Variants in LNX1 observed in about 807,000 individuals in gnomAD.
LNX1 encodes the protein E3 ubiquitin-protein ligase LNX.
LNX1 carries 54 observed loss-of-function variants against 68.4 expected under a neutral mutation model. The ratio of observed to expected loss-of-function variants is 0.79; its 90% CI spans 0.63 to 0.99. The LOEUF (loss-of-function observed/expected upper bound fraction) is 0.99, where lower values mean the gene tolerates loss of function less well. LNX1 is among the 50% of genes least tolerant of loss of function. The probability of loss-of-function intolerance (pLI) is 0.00; values close to 1 mark genes in which losing one functional copy is unlikely to be tolerated. For missense variants in LNX1, 906 were observed against 926.4 expected (o/e 0.98, Z 0.29); for synonymous variants, 336 against 350.0 (o/e 0.96, Z 0.45).
chr4:53,646,784 T>C (rs1324044353), intron 1 of LNX1, among the ~76,000 whole-genome samples: 2 of 152,222 alleles, frequency 1.3e-5, no homozygotes, highest in Non-Finnish European at 2.9e-5. Flanking sequence ...TAGAATAAAG[T>C]GGTATATAAA....
chr4:53,632,452 A>C (rs1258535306), intron 1 of LNX1, among the ~76,000 whole-genome samples: 1 of 151,590 alleles, frequency 6.6e-6, no homozygotes, highest in Non-Finnish European at 1.5e-5. Context: ...TACCCCCTAC[A>C]CTCTTGCTTC....
At chr4:53,575,066 C>T (rs189327421) in intron 1 of LNX1, among the ~76,000 whole-genome samples, 20 of 152,212 alleles carry the variant, frequency 1.3e-4, no homozygotes, top group African/African-American at 4.3e-4. Flanking sequence ...ACTACAACTG[C>T]CACCTCCCAG....
At chr4:53,553,135 A>G (rs1361085283) in intron 2 of LNX1, among the ~76,000 whole-genome samples, 2 of 152,180 alleles carry the variant, frequency 1.3e-5, no homozygotes, top group Admixed American at 1.3e-4. Flanking sequence ...GAACATTACT[A>G]CAACCCGAGA....
chr4:53,603,008 C>T (rs1453559747), intron 2 of LNX1: 1 of 152,188 alleles, frequency 6.6e-6, no homozygotes, highest in African/African-American at 2.4e-5. Context: ...CATCTTATGA[C>T]CTTTCTGGGC....
intron 2 of LNX1, among the ~76,000 whole-genome samples, chr4:53,523,890 T>C (rs1046826141): frequency 3.9e-5 from 6 of 152,236 alleles, no homozygotes; most frequent in Admixed American, 6.5e-5. Context: ...ATAGAGGATT[T>C]GGTTATTTAT....
At chr4:53,504,684 T>A (rs1225605573) in intron 4 of LNX1, among the ~76,000 whole-genome samples, 6 of 152,228 alleles carry the variant, frequency 3.9e-5, no homozygotes, top group Non-Finnish European at 7.3e-5. Context: ...GTTTTTGATT[T>A]AAAGTGAGAG....
At position 53,461,569 on chromosome 4, in the gene LNX1, A is replaced by G; in HGVS notation, c.1917T>C (p.Ile639=). ...LPRCLYNCKD[I]VLRRNTAGSL... is the part of the protein sequence containing the mutation. ...TTCCAGCTGTGTTTCTTCGTAATACAATATCTTTACAGTTATACAAGCACC... is the reference window on the plus strand; with the variant it reads ...TTCCAGCTGTGTTTCTTCGTAATACGATATCTTTACAGTTATACAAGCACC... The change falls in exon 10 of 11, where the codon ATT becomes ATC. Residue 639 remains isoleucine (I), a synonymous_variant. Coordinates refer to ENST00000263925, the MANE Select transcript of LNX1 (RefSeq NM_001126328.3). 6.2e-7 allele frequency: 1 copy of G among 1,612,070 alleles called. No homozygotes were observed.
At chr4:53,583,552 G>GA (rs35922375) in intron 1 of LNX1, among the ~76,000 whole-genome samples, 40,487 of 149,078 alleles carry the variant, frequency 0.27, 5,425 homozygotes, top group Admixed American at 0.33. Context: ...CAAAAATACA[G>GA]AAAAAAAAAA....
rs919808823 is a variant in LNX1, at chr4:53,460,836, A to AGAT, written c.*68_*70dup. 35 of 1,331,966 alleles carry AGAT rather than the reference A, an allele frequency of 2.6e-5. No homozygotes were observed. The Middle Eastern group carries it at 5.5e-4, about 21-fold the overall frequency. The allele number at this position is 1,331,966 out of a possible 1,614,324, so 82.5% of individuals were successfully genotyped here. ...CTTTCTTTAAATATAAAAACTGACA[A>AGAT]GATAAATATAGTGTTTCAACTTCTT... On this transcript the variant is annotated 3_prime_UTR_variant, in exon 11 of 11. Coordinates refer to ENST00000263925, the MANE Select transcript of LNX1 (RefSeq NM_001126328.3).
chr4:53,589,087 C>A (rs1732348779), intron 1 of LNX1, among the ~76,000 whole-genome samples: 1 of 152,190 alleles, frequency 6.6e-6, no homozygotes, highest in Non-Finnish European at 1.5e-5. Flanking sequence ...AACACCCAGT[C>A]TGCCCTGGAG....
chr4:53,516,772 C>G (rs560825844), intron 2 of LNX1, among the ~76,000 whole-genome samples: 1 of 152,310 alleles, frequency 6.6e-6, no homozygotes, highest in South Asian at 2.1e-4. Context: ...GCCAGTCCAT[C>G]TACCTACTTC....
chr4:53,516,032 C>A (rs544929935), intron 2 of LNX1, among the ~76,000 whole-genome samples: 1 of 152,250 alleles, frequency 6.6e-6, no homozygotes, highest in South Asian at 2.1e-4. Context: ...GGAAAGATCA[C>A]TTGAAGCCAG....
At chr4:53,652,241 C>G (rs1358554384) in exon 1 of LNX1, 1 of 152,242 alleles carries the variant, frequency 6.6e-6, no homozygotes, top group Admixed American at 6.5e-5. Context: ...CTGAGCTTTT[C>G]TGGCTTAGCA....
chr4:53,535,011 C>T (rs1372802016), intron 2 of LNX1, among the ~76,000 whole-genome samples: 2 of 152,146 alleles, frequency 1.3e-5, no homozygotes, highest in African/African-American at 4.8e-5. Flanking sequence ...AAATGTTTTT[C>T]TATTAAGTCA....
At chr4:53,637,134 G>GC (rs1339172262) in intron 1 of LNX1, among the ~76,000 whole-genome samples, 1 of 151,700 alleles carries the variant, frequency 6.6e-6, no homozygotes, top group East Asian at 1.9e-4. Context: ...ATTTGCACTG[G>GC]CAAAAAAAAT....
intron 2 of LNX1, among the ~76,000 whole-genome samples, chr4:53,596,844 C>T (rs1732776391): frequency 6.6e-6 from 1 of 152,148 alleles, no homozygotes; most frequent in Admixed American, 6.5e-5. Flanking sequence ...TTCTCAGGAT[C>T]ACCCCTTAGA....
intron 4 of LNX1, among the ~76,000 whole-genome samples, chr4:53,505,273 T>C (rs1725796452): frequency 6.6e-6 from 1 of 151,910 alleles, no homozygotes; most frequent in South Asian, 2.1e-4. Context: ...AACTTTTTTT[T>C]TTTTTGAGAT....
Position 53,573,850 on chromosome 4 carries a change from G to A in LNX1, c.153C>T (p.Pro51=). 2.5e-6 allele frequency: 4 copies of A among 1,613,782 alleles called. No individual in the cohort carries two copies. The highest frequency in any genetic ancestry group is 2.2e-5 in the East Asian group (1 of 44,872). The change falls in exon 2 of 11, where the codon CCC becomes CCT. Residue 51 remains proline (P), a synonymous_variant. Transcript: ENST00000263925. ...CHICLQALLD[P]LDTPCGHTYC... ...AGGTGTGTCCACACGGAGTGTCCAG[G>A]GGGTCCAGCAAAGCCTGCAGGCAGA...
intron 1 of LNX1, among the ~76,000 whole-genome samples, chr4:53,623,992 T>C (rs1476191013): frequency 6.6e-6 from 1 of 152,024 alleles, no homozygotes; most frequent in East Asian, 1.9e-4. Context: ...AGAATATAGG[T>C]TTTTGTGATG....
Sources: gnomAD v4.1 joint callset for allele counts (sites outside exome capture counted in the v4.1 genomes callset) on GRCh38, gnomAD v4.1.1 for gene constraint, MANE v1.5 for transcripts, NCBI Gene and HGNC (gene_info 2026-07-23, HGNC 2026-07-21) for gene names.